The following PDXDC1 variants were observed in gnomAD, a reference collection of about 807,000 sequenced individuals.
PDXDC1 encodes the protein pyridoxal dependent decarboxylase domain containing 1.
A neutral mutation model predicts 100.1 loss-of-function variants in PDXDC1; 42 were observed. That is an observed-to-expected ratio of 0.42 (90% CI 0.33 to 0.54). The LOEUF is 0.54. PDXDC1 is among the 20% of genes least tolerant of loss of function. The pLI is 0.10. For missense variants in PDXDC1, 636 were observed against 979.2 expected (o/e 0.65, Z 4.68); for synonymous variants, 260 against 371.7 (o/e 0.70, Z 3.46).
chr16:15,078,180 G>C (rs997288806), intron 16 of PDXDC1, among the ~76,000 whole-genome samples: 4 of 152,224 alleles, frequency 2.6e-5, no homozygotes, highest in African/African-American at 9.6e-5. Flanking sequence ...CAGTTGGCCA[G>C]AGAGGTGCAA....
At chr16:14,998,959 T>A (rs1972578468) in intron 3 of PDXDC1, among the ~76,000 whole-genome samples, 1 of 151,910 alleles carries the variant, frequency 6.6e-6, no homozygotes, top group South Asian at 2.1e-4. Context: ...GTGGGTCACA[T>A]CTGTAATCCC....
At chr16:15,072,592 C>T (rs1259036064) in intron 16 of PDXDC1, among the ~76,000 whole-genome samples, 3 of 152,044 alleles carry the variant, frequency 2.0e-5, no homozygotes. Context: ...CACTTGTGGT[C>T]AGGAGTTCAA....
At chr16:15,073,642 G>GT (rs1301627681) in intron 16 of PDXDC1, among the ~76,000 whole-genome samples, 1 of 152,180 alleles carries the variant, frequency 6.6e-6, no homozygotes, top group East Asian at 1.9e-4. Context: ...TATCATTCGT[G>GT]TAGCAAAAGA....
At chr16:15,019,337 T>C (rs2042009862) in intron 12 of PDXDC1, among the ~76,000 whole-genome samples, 2 of 152,294 alleles carry the variant, frequency 1.3e-5, no homozygotes, top group Non-Finnish European at 2.9e-5. Context: ...TACAAGGTGG[T>C]TATGGAGGGC....
chr16:15,012,082 C>T (rs2041348332), intron 8 of PDXDC1, among the ~76,000 whole-genome samples: 1 of 152,250 alleles, frequency 6.6e-6, no homozygotes, highest in South Asian at 2.1e-4. Flanking sequence ...ACTGTTACAA[C>T]TCAATAAGGA....
At chr16:15,126,476 CTT>C (rs1288752736) in intron 16 of PDXDC1, among the ~76,000 whole-genome samples, 168 of 127,470 alleles carry the variant, frequency 1.3e-3, no homozygotes, top group African/African-American at 3.4e-3. Context: ...CATGTAACCT[CTT>C]GAGGACCCCA....
At chr16:15,094,069 C>T (rs2046250934) in intron 16 of PDXDC1, 3 of 1,315,810 alleles carry the variant, frequency 2.3e-6, no homozygotes, top group Non-Finnish European at 3.2e-6. Flanking sequence ...TGTCCCACAT[C>T]CTTTCAATCC....
chr16:15,119,490 C>A (rs919969182), intron 16 of PDXDC1, among the ~76,000 whole-genome samples: 1 of 149,740 alleles, frequency 6.7e-6, no homozygotes, highest in East Asian at 2.0e-4. Flanking sequence ...GCAATCTCGG[C>A]TCGCTGCAAC....
intron 16 of PDXDC1, among the ~76,000 whole-genome samples, chr16:15,080,559 T>C (rs1315261281): frequency 1.3e-5 from 2 of 152,122 alleles, no homozygotes; most frequent in African/African-American, 2.4e-5. Flanking sequence ...TCAGCCTCCC[T>C]AGTAGCTAGA....
intron 16 of PDXDC1, chr16:15,126,957 C>T (rs1567295973): frequency 3.6e-6 from 1 of 275,578 alleles, no homozygotes; most frequent in African/African-American, 2.2e-5. Context: ...CGTGCCTGGT[C>T]CTTTTTAATG....
chr16:15,102,724 G>C lies in PDXDC1; in HGVS notation c.1400-36155G>C, dbSNP rs1248612484. ...CCAGCATTTGGTGAGGCTGAGGTAG[G>C]AGGACTGCTTGAGCCTGGGAGTTCG... On this transcript the variant is annotated intron_variant, in intron 16 of 16. Transcript: ENST00000535621. 2.1e-5 allele frequency among the ~76,000 whole-genome samples: 3 copies of C among 141,872 alleles called. No individual in the cohort carries two copies. In the East Asian group the frequency reaches 6.2e-4, roughly 30 times the overall value. The allele number at this position is 141,872 out of a possible 152,430, so 93.1% of individuals were successfully genotyped here. A position where few individuals can be genotyped will look rare whatever the true frequency, so the allele number is the denominator to read the frequency against.
chr16:14,998,004 A>T (rs1972365542), intron 2 of PDXDC1, among the ~76,000 whole-genome samples, 178 bp downstream of exon 2: 1 of 152,282 alleles, frequency 6.6e-6, no homozygotes, highest in African/African-American at 2.4e-5. Context: ...GGATTTTGAA[A>T]TTGAGAGGAA....
Position 15,085,674 on chromosome 16 carries a change from T to A in PDXDC1, c.1400-53205T>A, listed in dbSNP as rs373827994. 1.6e-4 allele frequency: 257 copies of A among 1,613,480 alleles called. No individual in the cohort carries two copies. The highest frequency in any genetic ancestry group is 2.1e-4 in the Non-Finnish European group (248 of 1,179,812). On this transcript the variant is annotated intron_variant, in intron 16 of 16. Coordinates refer to the PDXDC1 transcript ENST00000535621. ...ATCATCAGAATCTGAAACATCTACATCGCCTTCCTTAATGATCACTCGGGC... is the reference window on the plus strand; with the variant it reads ...ATCATCAGAATCTGAAACATCTACAACGCCTTCCTTAATGATCACTCGGGC...
intron 1 of PDXDC1, among the ~76,000 whole-genome samples, chr16:14,977,630 C>T (rs1263560787): frequency 2.6e-5 from 4 of 152,270 alleles, no homozygotes; most frequent in Non-Finnish European, 5.9e-5. Context: ...ATGGAATAAA[C>T]GATTTATATT....
chr16:15,099,973 A>G (rs1357303105), intron 16 of PDXDC1, among the ~76,000 whole-genome samples: 1 of 152,210 alleles, frequency 6.6e-6, no homozygotes, highest in Non-Finnish European at 1.5e-5. Flanking sequence ...AGAAAAGGAG[A>G]ATTTGTTCTG....
In PDXDC1 at chr16:15,091,708, A is replaced by G. The variant is rs537887557; in HGVS notation, c.1400-47171A>G. 3.3e-5 allele frequency among the ~76,000 whole-genome samples: 5 copies of G among 152,360 alleles called. No homozygotes were observed. In the South Asian group the frequency reaches 8.3e-4, roughly 25 times the overall value. On this transcript the variant is annotated intron_variant, in intron 16 of 16. Coordinates refer to the PDXDC1 transcript ENST00000535621. Reference sequence around the variant, plus strand: ...CTAATTCAGGAGGATCTAAAAAAGTATTCACTCAAATATGGATACAAATGG... The same window carrying G: ...CTAATTCAGGAGGATCTAAAAAAGTGTTCACTCAAATATGGATACAAATGG...
At position 15,128,689 on chromosome 16, in the gene PDXDC1, G is replaced by A. The variant is rs985777104; in HGVS notation, c.1400-10190G>A. 2.6e-5 allele frequency among the ~76,000 whole-genome samples: 4 copies of A among 151,898 alleles called. 1 individual carries two copies. The highest frequency in any genetic ancestry group is 2.0e-4 in the Admixed American group (3 of 15,240). On this transcript the variant is annotated intron_variant, in intron 16 of 16. Transcript: ENST00000535621. ...TGACCCGCACTGCACACCTGTCCAC[G>A]CCTCAGTCACGCCACAACCAGTGAC...
chr16:14,995,663 G>C (rs922829131), intron 1 of PDXDC1, among the ~76,000 whole-genome samples: 7 of 152,290 alleles, frequency 4.6e-5, no homozygotes, highest in African/African-American at 1.7e-4. Flanking sequence ...CATAAAATGA[G>C]TTAGGGAGGA....
chr16:15,100,642 A>G (rs1190506352), intron 16 of PDXDC1, among the ~76,000 whole-genome samples: 3 of 152,158 alleles, frequency 2.0e-5, no homozygotes, highest in Non-Finnish European at 2.9e-5. Flanking sequence ...GATGTTGCCA[A>G]ATGTCCCTGG....
Sources: allele counts gnomAD v4.1 joint callset (sites outside exome capture counted in the v4.1 genomes callset), GRCh38; gene constraint gnomAD v4.1.1; transcripts MANE v1.5; gene names NCBI Gene and HGNC (gene_info 2026-07-23, HGNC 2026-07-21).